The following METRNL variants were observed in gnomAD, a reference collection of about 807,000 sequenced individuals.
METRNL encodes the protein meteorin-like protein.
A neutral mutation model predicts 17.4 loss-of-function variants in METRNL; 9 were observed. That is an observed-to-expected ratio of 0.52 (90% CI 0.31 to 0.90). The LOEUF (loss-of-function observed/expected upper bound fraction) is 0.90, where lower values mean the gene tolerates loss of function less well. METRNL is among the 40% of genes least tolerant of loss of function. METRNL has a pLI of 0.05. For synonymous variants in METRNL, 215 were observed against 199.3 expected, an observed-to-expected ratio of 1.08 and a Z score of -0.66; for missense variants, 408 against 430.7, an observed-to-expected ratio of 0.95 and a Z score of 0.47.
At chr17:83,085,354 G>C (rs2038040807) in intron 2 of METRNL, 31 bp downstream of exon 2, 1 of 1,510,796 alleles carries the variant, frequency 6.6e-7, no homozygotes, top group East Asian at 2.3e-5. Context: ...GGGGGCGGCG[G>C]GCCTCGTCAT....
In METRNL at chr17:83,093,509, T is replaced by G. The variant is rs112920855; in HGVS notation, c.616+283T>G. ...GATCACTGCTCTTCGAGGGGACTCT[T>G]GAAGTCCACTGTCTCCCAGCAGCTC... On this transcript the variant is annotated intron_variant, in intron 3 of 3. Coordinates refer to ENST00000320095, the MANE Select transcript of METRNL (RefSeq NM_001004431.3). 7.0e-3 allele frequency among the ~76,000 whole-genome samples: 1,072 copies of G among 152,348 alleles called. 8 individuals are homozygous for G. Among genetic ancestry groups the G allele is most frequent in the African/African-American group, 0.025 (1,031 of 41,564 alleles).
In METRNL at chr17:83,094,880, C is replaced by T. The variant is rs906650794; in HGVS notation, c.*305C>T. 1 of 316,476 alleles carries T rather than the reference C, an allele frequency of 3.2e-6. No individual in the cohort carries two copies. Among genetic ancestry groups the T allele is most frequent in the Non-Finnish European group, 5.7e-6 (1 of 174,124 alleles). The allele number at this position is 316,476 out of a possible 1,614,324, so 19.6% of individuals were successfully genotyped here. ...GTCTTAAAACGCCTTGGTGTGCCGT[C>T]TGATACTGTTCTCTAAAGACGTTAG... is the stretch of plus-strand genomic sequence containing the variant. On this transcript the variant is annotated 3_prime_UTR_variant, in exon 4 of 4. Transcript: ENST00000320095.
chr17:83,082,087 A>G (rs2037996373), intron 1 of METRNL: 28 of 985,220 alleles, frequency 2.8e-5, no homozygotes, highest in Non-Finnish European at 3.4e-5. Flanking sequence ...GTAGGAGATG[A>G]TGAAACCTCC....
chr17:83,083,421 G>A (rs886263693), intron 1 of METRNL, among the ~76,000 whole-genome samples: 5 of 152,256 alleles, frequency 3.3e-5, no homozygotes, highest in African/African-American at 1.2e-4. Flanking sequence ...GAGACGTGAC[G>A]ATGAGGCTGC....
intron 2 of METRNL, among the ~76,000 whole-genome samples, chr17:83,091,038 G>A (rs1465853049): frequency 2.0e-5 from 3 of 152,132 alleles, no homozygotes; most frequent in African/African-American, 7.2e-5. Flanking sequence ...TTCCAGCTTG[G>A]GGGTCAGGAG....
In METRNL at chr17:83,094,804, T is replaced by G; in HGVS notation, c.*229T>G. On this transcript the variant is annotated 3_prime_UTR_variant, in exon 4 of 4. Coordinates refer to ENST00000320095, the MANE Select transcript of METRNL (RefSeq NM_001004431.3). ...ATGCTGTAAAATGCAAACTAAGTTATTATATTTTTTTTTGGTAAAAAAGAA... is the reference window on the plus strand; with the variant it reads ...ATGCTGTAAAATGCAAACTAAGTTAGTATATTTTTTTTTGGTAAAAAAGAA... 1 of 397,882 alleles carries G rather than the reference T, an allele frequency of 2.5e-6. No individual in the cohort carries two copies. The highest frequency in any genetic ancestry group is 4.4e-6 in the Non-Finnish European group (1 of 226,406). 24.6% of individuals were successfully genotyped at this position (397,882 alleles called of 1,614,324 possible). A position where few individuals can be genotyped will look rare whatever the true frequency, so the allele number is the denominator to read the frequency against.
chr17:83,080,738 G>A (rs1453937968), intron 1 of METRNL, among the ~76,000 whole-genome samples: 5 of 150,132 alleles, frequency 3.3e-5, no homozygotes, highest in African/African-American at 1.2e-4. Context: ...CCCGCCCTGC[G>A]CGAGCCTCGC....
chr17:83,081,281 C>T (rs2037984644), intron 1 of METRNL, among the ~76,000 whole-genome samples: 1 of 152,170 alleles, frequency 6.6e-6, no homozygotes, highest in Admixed American at 6.5e-5. Context: ...AGCCCCGGCT[C>T]GCTGCCTCTG....
Position 83,094,633 on chromosome 17 carries a change from G to C in METRNL, c.*58G>C. On this transcript the variant is annotated 3_prime_UTR_variant, in exon 4 of 4. Coordinates refer to ENST00000320095, the MANE Select transcript of METRNL (RefSeq NM_001004431.3). ...AGTCACAGGCTGCGGTGGGCGCTGC[G>C]GTCCTGGTGGGGCCGTGCGGTGAGG... is the stretch of plus-strand genomic sequence containing the variant. The C allele has an allele frequency of 7.4e-7, 1 of 1,360,338 alleles. No homozygotes were observed. Among genetic ancestry groups the C allele is most frequent in the Non-Finnish European group, 9.6e-7 (1 of 1,044,176 alleles). 84.3% of individuals were successfully genotyped at this position (1,360,338 alleles called of 1,614,324 possible). A position where few individuals can be genotyped will look rare whatever the true frequency, so the allele number is the denominator to read the frequency against.
intron 2 of METRNL, among the ~76,000 whole-genome samples, chr17:83,085,926 C>G (rs1386116224): frequency 2.6e-5 from 4 of 152,216 alleles, no homozygotes; most frequent in Admixed American, 6.5e-5. Context: ...CTGTGACGCC[C>G]AGAACATGGG....
intron 2 of METRNL, among the ~76,000 whole-genome samples, chr17:83,086,903 C>T (rs2143629832): frequency 6.6e-6 from 1 of 152,188 alleles, no homozygotes; most frequent in East Asian, 1.9e-4. Context: ...GAGACTTTGT[C>T]TCTCCTGCCT....
chr17:83,087,625 C>G (rs529486586), intron 2 of METRNL, among the ~76,000 whole-genome samples: 2 of 152,208 alleles, frequency 1.3e-5, no homozygotes, highest in Admixed American at 1.3e-4. Context: ...ATGTCGGTGC[C>G]GGCCGTCTGG....
intron 1 of METRNL, chr17:83,084,718 T>A (rs1271609660): frequency 3.8e-6 from 2 of 528,934 alleles, no homozygotes; most frequent in Non-Finnish European, 6.6e-6. Context: ...TTGGTGCAGG[T>A]GCACTGGAAG....
At chr17:83,093,925 G>A (rs1421859774) in intron 3 of METRNL, among the ~76,000 whole-genome samples, 2 of 152,198 alleles carry the variant, frequency 1.3e-5, no homozygotes, top group African/African-American at 2.4e-5. Context: ...TCTCCTGTGA[G>A]CTGCACCGGG....
At position 83,094,512 on chromosome 17, in the gene METRNL, C is replaced by G; in HGVS notation, c.873C>G (p.Phe291Leu). 6.4e-7 allele frequency: 1 copy of G among 1,554,810 alleles called. No homozygotes were observed. The highest frequency in any genetic ancestry group is 8.7e-7 in the Non-Finnish European group (1 of 1,143,166). The stretch of plus-strand genomic sequence containing the variant: ...GCTGTGCCCCACGCTTCAAGGACTT[C>G]CAGAGGATGTACAGGGATGCCCAGG... The part of the protein sequence containing the change: ...RLGCAPRFKD[F>L]QRMYRDAQER... The change falls in exon 4 of 4, where the codon TTC (phenylalanine) becomes TTG (leucine). Residue 291 changes from phenylalanine (F) to leucine (L), a missense_variant. By Grantham distance (22) the Phe-to-Leu change is conservative. Transcript: ENST00000320095.
intron 2 of METRNL, among the ~76,000 whole-genome samples, chr17:83,090,067 C>T (rs141547884): frequency 0.01 from 1,523 of 152,028 alleles, 28 homozygotes; most frequent in African/African-American, 0.035. Flanking sequence ...TACCCTCACG[C>T]GCCCAGGCCC....
At chr17:83,080,035 C>CA in intron 1 of METRNL, 50 bp downstream of exon 1, 1 of 994,722 alleles carries the variant, frequency 1.0e-6, no homozygotes, top group Non-Finnish European at 1.2e-6. Context: ...CTCGCGTCCC[C>CA]TCCCGTCCCG....
At chr17:83,082,083 G>A in intron 1 of METRNL, 1 of 985,418 alleles carries the variant, frequency 1.0e-6, no homozygotes, top group Non-Finnish European at 1.2e-6. Context: ...TTAAGTAGGA[G>A]ATGATGAAAC....
chr17:83,085,616 C>T (rs548881341), intron 2 of METRNL, among the ~76,000 whole-genome samples: 4 of 152,196 alleles, frequency 2.6e-5, no homozygotes, highest in Admixed American at 1.3e-4. Context: ...CTAAAACCAC[C>T]TTTGAAAAGA....
Sources: allele counts gnomAD v4.1 joint callset (sites outside exome capture counted in the v4.1 genomes callset), GRCh38; gene constraint gnomAD v4.1.1; transcripts MANE v1.5; gene names NCBI Gene and HGNC (gene_info 2026-07-23, HGNC 2026-07-21).